The following WWOX variants were observed in gnomAD, a reference collection of about 807,000 sequenced individuals.
WWOX encodes WW domain containing oxidoreductase.
A neutral mutation model predicts 46.2 loss-of-function variants in WWOX; 69 were observed. The ratio of observed to expected loss-of-function variants is 1.49; its 90% CI spans 1.23 to 1.82. The LOEUF is 1.82. Ranked by LOEUF, WWOX falls within the 40% of genes most tolerant of loss-of-function variation. The pLI is 0.00. For missense variants in WWOX, 919 were observed against 542.6 expected, an observed-to-expected ratio of 1.69 and a Z score of -6.89; for synonymous variants, 359 against 202.6, an observed-to-expected ratio of 1.77 and a Z score of -6.56.
chr16:78,669,220 C>T (rs1186515305), intron 8 of WWOX, among the ~76,000 whole-genome samples: 1 of 152,178 alleles, frequency 6.6e-6, no homozygotes, highest in African/African-American at 2.4e-5. Context: ...GGAGAAGCCC[C>T]AAAGAAGCTG....
At chr16:78,475,796 T>C (rs929791532) in intron 8 of WWOX, among the ~76,000 whole-genome samples, 5 of 152,264 alleles carry the variant, frequency 3.3e-5, no homozygotes, top group Admixed American at 1.3e-4. Flanking sequence ...CGTTTCACCA[T>C]GTTAGCCAGG....
Position 78,345,452 on chromosome 16 carries a change from C to T in WWOX, c.517-41408C>T, listed in dbSNP as rs576435757. Among the ~76,000 whole-genome samples the T allele has an allele frequency of 3.5e-4, 14 of 39,462 alleles. 2 individuals are homozygous for T. The South Asian group carries it at 5.3e-3, about 15-fold the overall frequency. The allele number at this position is 39,462 out of a possible 152,430, so 25.9% of individuals were successfully genotyped here. A position where few individuals can be genotyped will look rare whatever the true frequency, so the allele number is the denominator to read the frequency against. Reference sequence around the variant, plus strand: ...CCTGAGCACCATGGCAAAACCCCATCGCTACCAAAAAAAAAAAAAAAAAAA... The same window carrying T: ...CCTGAGCACCATGGCAAAACCCCATTGCTACCAAAAAAAAAAAAAAAAAAA... On this transcript the variant is annotated intron_variant, in intron 5 of 8. Coordinates refer to ENST00000566780, the MANE Select transcript of WWOX (RefSeq NM_016373.4).
chr16:78,843,417 A>G (rs532391191), intron 8 of WWOX, among the ~76,000 whole-genome samples: 1 of 149,912 alleles, frequency 6.7e-6, no homozygotes, highest in Non-Finnish European at 1.5e-5. Flanking sequence ...GCCCATTCCT[A>G]TGCTGCTAAG....
intron 8 of WWOX, chr16:78,895,524 TTTG>T (rs1231613929): frequency 3.9e-5 from 6 of 152,210 alleles, no homozygotes; most frequent in African/African-American, 1.4e-4. Flanking sequence ...CAACCCTGTA[TTTG>T]TTGTCAAATT....
chr16:78,443,312 CAAA>C (rs897467963), intron 8 of WWOX, among the ~76,000 whole-genome samples: 1 of 150,172 alleles, frequency 6.7e-6, no homozygotes, highest in Admixed American at 6.7e-5. Flanking sequence ...AACAAAAAAA[CAAA>C]AAAAAACCCA....
At chr16:78,999,246 G>A (rs770740375) in intron 8 of WWOX, among the ~76,000 whole-genome samples, 2 of 151,932 alleles carry the variant, frequency 1.3e-5, no homozygotes, top group Non-Finnish European at 2.9e-5. Context: ...CAATGCAGGC[G>A]GATCATCTGA....
At chr16:78,622,234 C>G (rs1384971468) in intron 8 of WWOX, among the ~76,000 whole-genome samples, 1 of 152,028 alleles carries the variant, frequency 6.6e-6, no homozygotes, top group South Asian at 2.1e-4. Flanking sequence ...AAATTCTGAC[C>G]CTACTCTGAT....
chr16:79,094,214 C>T (rs149665040), intron 8 of WWOX, among the ~76,000 whole-genome samples: 4 of 151,676 alleles, frequency 2.6e-5, no homozygotes, highest in East Asian at 1.9e-4. Context: ...CTTTTGCCAG[C>T]GCTCTCGTCT....
intron 5 of WWOX, among the ~76,000 whole-genome samples, chr16:78,176,469 A>C (rs1435378228): frequency 6.6e-6 from 1 of 152,202 alleles, no homozygotes; most frequent in Non-Finnish European, 1.5e-5. Flanking sequence ...GGAACCATGC[A>C]CTTATTTACC....
rs1488833292 is a variant in WWOX at position 78,884,245 on chromosome 16, C to T, written c.1057-327363C>T. Among the ~76,000 whole-genome samples, 6 of 128,172 alleles carry T rather than the reference C, an allele frequency of 4.7e-5. No individual in the cohort carries two copies. In the East Asian group the frequency reaches 1.5e-3, roughly 32 times the overall value. The allele number at this position is 128,172 out of a possible 152,430, so 84.1% of individuals were successfully genotyped here. On this transcript the variant is annotated intron_variant, in intron 8 of 8. Transcript: ENST00000566780. Reference sequence around the variant, plus strand: ...CTGTGATTAGGTCCCTGCACTCCAGCTTGGGTGACAGAGTGAGACCCTGTC... The same window carrying T: ...CTGTGATTAGGTCCCTGCACTCCAGTTTGGGTGACAGAGTGAGACCCTGTC...
intron 8 of WWOX, among the ~76,000 whole-genome samples, chr16:78,730,923 C>T (rs1216025995): frequency 1.3e-5 from 2 of 152,086 alleles, no homozygotes; most frequent in Admixed American, 6.6e-5. Flanking sequence ...AAATTCAGAT[C>T]ACTTTGTTTG....
chr16:79,017,002 G>C (rs990217345), intron 8 of WWOX: 3 of 152,206 alleles, frequency 2.0e-5, no homozygotes, highest in Non-Finnish European at 4.4e-5. Context: ...CCCTGCCCTA[G>C]ATGGTATCAC....
At chr16:78,326,052 A>T (rs2080605641) in intron 5 of WWOX, among the ~76,000 whole-genome samples, 1 of 152,108 alleles carries the variant, frequency 6.6e-6, no homozygotes, top group Non-Finnish European at 1.5e-5. Context: ...CCTTAAGCAG[A>T]AGGGGGAGGT....
intron 6 of WWOX, among the ~76,000 whole-genome samples, chr16:78,415,849 G>C (rs558627842): frequency 1.3e-5 from 2 of 152,116 alleles, no homozygotes; most frequent in Non-Finnish European, 2.9e-5. Flanking sequence ...AACTACTGAG[G>C]GGATGTCCTC....
chr16:78,564,039 C>G (rs2044504253), intron 8 of WWOX, among the ~76,000 whole-genome samples: 2 of 152,196 alleles, frequency 1.3e-5, no homozygotes, highest in Admixed American at 1.3e-4. Context: ...GGCTAGCCTT[C>G]TGGGCGATGA....
chr16:78,549,573 G>A (rs755786479), intron 8 of WWOX, among the ~76,000 whole-genome samples: 5 of 152,144 alleles, frequency 3.3e-5, no homozygotes, highest in Non-Finnish European at 7.3e-5. Flanking sequence ...GCAGCAGCAA[G>A]ACATGTGGCC....
Position 78,486,366 on chromosome 16 carries a change from A to G in WWOX, c.1056+53614A>G, listed in dbSNP as rs78637400. Among the ~76,000 whole-genome samples, 263 of 152,350 alleles carry G rather than the reference A, an allele frequency of 1.7e-3. 6 individuals carry two copies. The East Asian group carries it at 0.043, about 25-fold the overall frequency. ...ATAGTCACATCTACTAAGATTATTC[A>G]GAAGTATTGAGCTTTGAGTATGTTT... is the stretch of plus-strand genomic sequence containing the variant. On this transcript the variant is annotated intron_variant, in intron 8 of 8. Transcript: ENST00000566780.
chr16:78,134,727 G>A (rs2033728509), intron 4 of WWOX, among the ~76,000 whole-genome samples: 1 of 152,182 alleles, frequency 6.6e-6, no homozygotes, highest in Non-Finnish European at 1.5e-5. Context: ...TCATTTAGGT[G>A]TTGTTTGCAA....
chr16:78,354,336 T>C (rs4545825), intron 5 of WWOX, among the ~76,000 whole-genome samples: 93,752 of 135,320 alleles, frequency 0.69, 33,449 homozygotes, highest in African/African-American at 0.74. Flanking sequence ...TGGTCAGGTG[T>C]GTAGGTATGT....
Sources: allele counts gnomAD v4.1 joint callset (sites outside exome capture counted in the v4.1 genomes callset), GRCh38; gene constraint gnomAD v4.1.1; transcripts MANE v1.5; gene names NCBI Gene and HGNC (gene_info 2026-07-23, HGNC 2026-07-21).